OSBPL10: variants seen among roughly 807,000 people sequenced by gnomAD.
OSBPL10 encodes oxysterol binding protein like 10.
A neutral mutation model predicts 81.7 loss-of-function variants in OSBPL10; 49 were observed. The observed-to-expected ratio is 0.60, with a 90% CI of 0.48 to 0.76. OSBPL10 has a LOEUF of 0.76. Ranked by LOEUF, OSBPL10 falls within the 30% of genes least tolerant of loss-of-function variation. The pLI is 0.00. For synonymous variants in OSBPL10, 419 were observed against 383.6 expected (o/e 1.09, Z -1.08); for missense variants, 923 against 987.8 (o/e 0.93, Z 0.88).
chr3:31,752,977 A>G (rs191477835), intron 4 of OSBPL10, among the ~76,000 whole-genome samples: 259 of 152,264 alleles, frequency 1.7e-3, no homozygotes, highest in Non-Finnish European at 2.9e-3. Context: ...AGTGCCTTCA[A>G]TTACTCAATC....
At chr3:31,728,463 C>G (rs1176154876) in intron 6 of OSBPL10, among the ~76,000 whole-genome samples, 1 of 152,138 alleles carries the variant, frequency 6.6e-6, no homozygotes, top group African/African-American at 2.4e-5. Flanking sequence ...TTTCATTGCT[C>G]CCCCTTTCCA....
chr3:31,797,236 G>A (rs143018907), intron 4 of OSBPL10, among the ~76,000 whole-genome samples: 314 of 152,080 alleles, frequency 2.1e-3, no homozygotes, highest in Non-Finnish European at 2.2e-3. Context: ...CTCGTGATCC[G>A]GCCTCTTCGG....
chr3:31,743,298 C>T (rs1697416110), intron 5 of OSBPL10, among the ~76,000 whole-genome samples: 1 of 152,080 alleles, frequency 6.6e-6, no homozygotes, highest in Non-Finnish European at 1.5e-5. Flanking sequence ...CCCGGCCTCC[C>T]AAAGTGCTGA....
At chr3:31,837,321 TTATATATATATATATATA>T (rs59797512) in intron 3 of OSBPL10, among the ~76,000 whole-genome samples, 1,448 of 58,836 alleles carry the variant, frequency 0.025, 40 homozygotes, top group African/African-American at 0.058. Context: ...GATCCCCAAA[TTATATATATATATATATA>T]TATATATATA....
At position 31,830,242 on chromosome 3, in the gene OSBPL10, C is replaced by T. The variant is rs1700208494; in HGVS notation, c.538-11G>A. 2 of 1,605,412 alleles carry T rather than the reference C, an allele frequency of 1.2e-6. No homozygotes were observed. The highest frequency in any genetic ancestry group is 1.7e-6 in the Non-Finnish European group (2 of 1,176,096). On this transcript the variant is annotated splice_polypyrimidine_tract_variant and intron_variant, in intron 3 of 11. Coordinates refer to ENST00000396556, the MANE Select transcript of OSBPL10 (RefSeq NM_017784.5). ...GGAGCTTGGAGCACTCTAGAATAAG[C>T]AACAGGTGTCAAAACTCAACAACTG...
At chr3:31,971,180 G>A (rs1342960332) in intron 1 of OSBPL10, among the ~76,000 whole-genome samples, 14 of 125,624 alleles carry the variant, frequency 1.1e-4, no homozygotes, top group African/African-American at 2.8e-4. Flanking sequence ...TTGCTCTGTC[G>A]CCCAGGCTGG....
Position 31,774,991 on chromosome 3 carries a change from A to C in OSBPL10, c.730-26871T>G, listed in dbSNP as rs1253760515. On this transcript the variant is annotated intron_variant, in intron 4 of 11. Transcript: ENST00000396556. ...AGACCAGCCTGGCCAACATGGTGAA[A>C]CCCTGTTTCTACAAAAAGTACAAAA... 2.0e-5 allele frequency among the ~76,000 whole-genome samples: 3 copies of C among 151,030 alleles called. No homozygotes were observed. The East Asian group carries it at 6.0e-4, about 30-fold the overall frequency.
intron 1 of OSBPL10, among the ~76,000 whole-genome samples, chr3:32,060,080 C>CTATATA (rs3081642): frequency 5.4e-5 from 8 of 147,506 alleles, no homozygotes; most frequent in Non-Finnish European, 1.0e-4. Flanking sequence ...AGTCAATGAG[C>CTATATA]TATATATATA....
chr3:31,949,791 A>T (rs1183785421), intron 1 of OSBPL10, among the ~76,000 whole-genome samples: 3 of 152,080 alleles, frequency 2.0e-5, no homozygotes, highest in African/African-American at 7.2e-5. Context: ...CTTTCAGCAG[A>T]AAATATAAGA....
At chr3:31,840,416 TTG>T (rs1271216998) in intron 3 of OSBPL10, among the ~76,000 whole-genome samples, 1 of 152,252 alleles carries the variant, frequency 6.6e-6, no homozygotes, top group Non-Finnish European at 1.5e-5. Context: ...GCACGCCTAC[TTG>T]TGTTTCCAAA....
Position 31,971,167 on chromosome 3 carries a change from G to C in OSBPL10, c.281+9732C>G, listed in dbSNP as rs1326621714. Among the ~76,000 whole-genome samples the C allele has an allele frequency of 2.4e-5, 3 of 124,510 alleles. No individual in the cohort carries two copies. In the East Asian group the frequency reaches 7.1e-4, roughly 30 times the overall value. The allele number at this position is 124,510 out of a possible 152,430, so 81.7% of individuals were successfully genotyped here. A position where few individuals can be genotyped will look rare whatever the true frequency, so the allele number is the denominator to read the frequency against. On this transcript the variant is annotated intron_variant, in intron 1 of 11. Transcript: ENST00000396556. ...TTTTTTTTTTTTTTTTTGAGCTGGA[G>C]TCTTGCTCTGTCGCCCAGGCTGGAG...
intron 11 of OSBPL10, chr3:31,662,877 T>C: frequency 2.0e-6 from 2 of 985,470 alleles, no homozygotes; most frequent in Non-Finnish European, 2.4e-6. Context: ...CAGAAGGATC[T>C]TTCAAGGTTT....
At chr3:31,745,732 T>C (rs897735004) in intron 5 of OSBPL10, among the ~76,000 whole-genome samples, 2 of 152,190 alleles carry the variant, frequency 1.3e-5, no homozygotes, top group Non-Finnish European at 2.9e-5. Context: ...ATCTGAACGA[T>C]GGGCATAATC....
chr3:31,714,891 G>C (rs1292722254), intron 6 of OSBPL10: 1 of 149,892 alleles, frequency 6.7e-6, no homozygotes, highest in African/African-American at 2.5e-5. Context: ...CACACCACCA[G>C]AGTGTTCTTC....
chr3:31,704,557 A>T (rs1282727546), intron 6 of OSBPL10: 3 of 152,218 alleles, frequency 2.0e-5, no homozygotes, highest in African/African-American at 7.2e-5. Flanking sequence ...AAACATCTCA[A>T]CAGGAGAAGT....
chr3:32,056,614 C>T (rs1482803460), intron 1 of OSBPL10, among the ~76,000 whole-genome samples: 5 of 152,366 alleles, frequency 3.3e-5, no homozygotes, highest in Admixed American at 3.3e-4. Flanking sequence ...GAGCTCCTGT[C>T]TACCCTGAAT....
intron 4 of OSBPL10, among the ~76,000 whole-genome samples, chr3:31,809,961 T>C (rs1283799188): frequency 4.7e-5 from 7 of 147,466 alleles, no homozygotes; most frequent in South Asian, 2.2e-4. Flanking sequence ...AACCTCTGCC[T>C]CCTGGATTCA....
At chr3:31,978,663 TAGACTTGG>T (rs1490272319) in intron 1 of OSBPL10, among the ~76,000 whole-genome samples, 1 of 152,152 alleles carries the variant, frequency 6.6e-6, no homozygotes, top group Non-Finnish European at 1.5e-5. Context: ...GAGTCAGTGG[TAGACTTGG>T]AAAACGGTGA....
chr3:31,850,200 CA>C, intron 3 of OSBPL10, among the ~76,000 whole-genome samples: 1 of 151,786 alleles, frequency 6.6e-6, no homozygotes, highest in Admixed American at 6.6e-5. Context: ...TGGATATGGT[CA>C]CACACACCTG....
Sources: gnomAD v4.1 joint callset for allele counts (sites outside exome capture counted in the v4.1 genomes callset) on GRCh38, gnomAD v4.1.1 for gene constraint, MANE v1.5 for transcripts, NCBI Gene and HGNC (gene_info 2026-07-23, HGNC 2026-07-21) for gene names.